The following WWTR1 variants were observed in gnomAD, a reference collection of about 807,000 sequenced individuals.
The protein encoded by WWTR1 is WW domain-containing transcription regulator protein 1.
WWTR1 carries 13 observed loss-of-function variants against 40.1 expected under a neutral mutation model. The observed-to-expected ratio is 0.32, with a 90% CI of 0.21 to 0.52. WWTR1 has a LOEUF of 0.52. WWTR1 is among the 20% of genes least tolerant of loss of function. WWTR1 has a pLI of 0.97. For missense variants in WWTR1, 436 were observed against 523.1 expected, an observed-to-expected ratio of 0.83 and a Z score of 1.63; for synonymous variants, 230 against 210.1, an observed-to-expected ratio of 1.09 and a Z score of -0.82.
At chr3:149,564,616 T>C (rs1431582003) in intron 3 of WWTR1, among the ~76,000 whole-genome samples, 3 of 152,092 alleles carry the variant, frequency 2.0e-5, no homozygotes, top group African/African-American at 4.8e-5. Flanking sequence ...AATACATAAC[T>C]GACTTACTCA....
At chr3:149,650,491 G>A (rs146808460) in intron 2 of WWTR1, among the ~76,000 whole-genome samples, 3 of 152,246 alleles carry the variant, frequency 2.0e-5, no homozygotes, top group African/African-American at 7.2e-5. Context: ...AATAATATAC[G>A]TAAAAGCATC....
At position 149,648,538 on chromosome 3, in the gene WWTR1, C is replaced by T. The variant is rs192867404; in HGVS notation, c.431+8338G>A. ...AGCAGCATCTAATCCAGAGTGGGAG[C>T]TGCAAGTTGGGGAAAAGTTCCTGCA... On this transcript the variant is annotated intron_variant, in intron 2 of 6. Coordinates refer to ENST00000360632, the MANE Select transcript of WWTR1 (RefSeq NM_015472.6). 3.3e-5 allele frequency among the ~76,000 whole-genome samples: 5 copies of T among 152,202 alleles called. No individual in the cohort carries two copies. In the East Asian group the frequency reaches 7.7e-4, roughly 23 times the overall value.
intron 5 of WWTR1, among the ~76,000 whole-genome samples, chr3:149,715,519 C>G (rs1432535790): frequency 6.6e-6 from 1 of 152,246 alleles, no homozygotes; most frequent in Non-Finnish European, 1.5e-5. Flanking sequence ...TTACACATCC[C>G]TTGCCGCTCC....
chr3:149,660,178 C>G (rs1713509378), upstream of WWTR1: 1 of 152,116 alleles, frequency 6.6e-6, no homozygotes, highest in Non-Finnish European at 1.5e-5. Context: ...GTTGCAACAA[C>G]AGGGGAAATA....
rs753369090 is a variant in WWTR1, at chr3:149,615,742, G to A, written c.431+41134C>T. 1.3e-3 allele frequency among the ~76,000 whole-genome samples: 201 copies of A among 152,274 alleles called. 1 individual carries two copies. Among genetic ancestry groups the A allele is most frequent in the African/African-American group, 2.5e-3 (103 of 41,554 alleles). ...CATTTGATATCTGAGGAAACAGATC[G>A]AAAGAAACAACCCACTTGGCCAAGG... On this transcript the variant is annotated intron_variant, in intron 2 of 6. Coordinates refer to ENST00000360632, the MANE Select transcript of WWTR1 (RefSeq NM_015472.6).
chr3:149,532,790 C>T (rs1337379695), intron 4 of WWTR1, among the ~76,000 whole-genome samples: 1 of 152,166 alleles, frequency 6.6e-6, no homozygotes, highest in Non-Finnish European at 1.5e-5. Flanking sequence ...ACTACCCTTG[C>T]GTGGGTAAAA....
At chr3:149,617,886 C>T (rs995907890) in intron 2 of WWTR1, among the ~76,000 whole-genome samples, 6 of 152,096 alleles carry the variant, frequency 3.9e-5, no homozygotes, top group African/African-American at 1.4e-4. Context: ...AAAATCCCTC[C>T]TATGGATACA....
intron 2 of WWTR1, among the ~76,000 whole-genome samples, chr3:149,590,763 C>T (rs1031525061): frequency 2.0e-5 from 3 of 152,146 alleles, no homozygotes; most frequent in African/African-American, 7.2e-5. Flanking sequence ...GGGCTTTTTC[C>T]ATGATACAAT....
chr3:149,653,482 T>C (rs1713018981), intron 2 of WWTR1, among the ~76,000 whole-genome samples: 1 of 152,210 alleles, frequency 6.6e-6, no homozygotes, highest in East Asian at 1.9e-4. Context: ...TGGTAGTGGC[T>C]GCAGGTGGGC....
chr3:149,718,661 C>A (rs1715671468), intron 4 of WWTR1, among the ~76,000 whole-genome samples: 1 of 152,196 alleles, frequency 6.6e-6, no homozygotes, highest in Non-Finnish European at 1.5e-5. Context: ...CCCCTGGCAA[C>A]CATCATTCTA....
intron 3 of WWTR1, among the ~76,000 whole-genome samples, chr3:149,557,479 A>G (rs1247523667): frequency 2.6e-5 from 4 of 152,020 alleles, no homozygotes; most frequent in African/African-American, 4.8e-5. Flanking sequence ...GTCTAGAAAA[A>G]CTACATTTCT....
At chr3:149,724,764 C>A (rs1483651857) in exon 3 of WWTR1, 1 of 152,002 alleles carries the variant, frequency 6.6e-6, no homozygotes, top group Non-Finnish European at 1.5e-5. Context: ...GGGAGAGCAT[C>A]CAGTTCCATC....
At chr3:149,532,177 G>T (rs1735612792) in intron 4 of WWTR1, among the ~76,000 whole-genome samples, 1 of 152,114 alleles carries the variant, frequency 6.6e-6, no homozygotes, top group Non-Finnish European at 1.5e-5. Flanking sequence ...GATAAAACGG[G>T]ATAACACTAC....
chr3:149,547,826 C>CT (rs751934319), intron 3 of WWTR1, among the ~76,000 whole-genome samples: 13,837 of 133,240 alleles, frequency 0.1, 793 homozygotes, highest in Admixed American at 0.14. Flanking sequence ...TTCCCTTTTT[C>CT]TTTTTTTTTT....
intron 1 of WWTR1, among the ~76,000 whole-genome samples, chr3:149,683,805 G>C (rs1714539857): frequency 6.6e-6 from 1 of 152,234 alleles, no homozygotes; most frequent in South Asian, 2.1e-4. Flanking sequence ...TGACAGCCAA[G>C]GGAGAAGCAT....
intron 3 of WWTR1, among the ~76,000 whole-genome samples, chr3:149,567,961 AT>A (rs933952160): frequency 6.6e-6 from 1 of 152,194 alleles, no homozygotes; most frequent in Non-Finnish European, 1.5e-5. Flanking sequence ...TCTCAAGCCC[AT>A]TGTTTTATAC....
At chr3:149,575,583 T>A (rs1040218807) in intron 2 of WWTR1, among the ~76,000 whole-genome samples, 1 of 152,124 alleles carries the variant, frequency 6.6e-6, no homozygotes. Flanking sequence ...GAAATATACA[T>A]CATTTGCTGG....
intron 2 of WWTR1, among the ~76,000 whole-genome samples, chr3:149,598,798 A>C (rs546080766): frequency 7.2e-5 from 11 of 152,330 alleles, no homozygotes; most frequent in African/African-American, 2.4e-4. Context: ...AACATCCATA[A>C]GCATAAGCTT....
At chr3:149,582,328 G>A (rs1738184582) in intron 2 of WWTR1, among the ~76,000 whole-genome samples, 1 of 151,478 alleles carries the variant, frequency 6.6e-6, no homozygotes, top group Non-Finnish European at 1.5e-5. Flanking sequence ...TGTTTGATTT[G>A]GGCCAAGAGC....
Sources: gnomAD v4.1 joint callset for allele counts (sites outside exome capture counted in the v4.1 genomes callset) on GRCh38, gnomAD v4.1.1 for gene constraint, MANE v1.5 for transcripts, NCBI Gene and HGNC (gene_info 2026-07-23, HGNC 2026-07-21) for gene names.